CERS6: variants seen among roughly 807,000 people sequenced by gnomAD.
CERS6 encodes LAG1 homolog, ceramide synthase 6.
In CERS6, 26 loss-of-function variants were observed where a neutral mutation model predicts 56.8. That is an observed-to-expected ratio of 0.46 (90% CI 0.34 to 0.63). The LOEUF (loss-of-function observed/expected upper bound fraction) is 0.63, where lower values mean the gene tolerates loss of function less well. CERS6 is among the 30% of genes least tolerant of loss of function. The pLI is 0.01. For synonymous variants in CERS6, 164 were observed against 173.3 expected (o/e 0.95, Z 0.42); for missense variants, 415 against 467.5 (o/e 0.89, Z 1.04).
At chr2:168,583,336 G>A (rs987404898) in intron 3 of CERS6, among the ~76,000 whole-genome samples, 12 of 152,116 alleles carry the variant, frequency 7.9e-5, no homozygotes, top group Non-Finnish European at 1.6e-4. Context: ...AATGAGCTAA[G>A]AAAAGTGTGA....
intron 6 of CERS6, among the ~76,000 whole-genome samples, chr2:168,709,776 T>C (rs1463557163): frequency 2.6e-5 from 4 of 152,202 alleles, no homozygotes; most frequent in African/African-American, 9.6e-5. Context: ...GTTGCAAATA[T>C]AAGGATGGAA....
chr2:168,631,076 A>T, intron 4 of CERS6, 34 bp downstream of exon 4: 1 of 1,071,326 alleles, frequency 9.3e-7, no homozygotes, highest in Non-Finnish European at 1.4e-6. Flanking sequence ...CATGATTCTT[A>T]TGTAAGTGTA....
At chr2:168,760,674 G>A (rs970198999) in intron 8 of CERS6, among the ~76,000 whole-genome samples, 3 of 152,240 alleles carry the variant, frequency 2.0e-5, no homozygotes, top group Non-Finnish European at 2.9e-5. Flanking sequence ...CCCAAAAAAA[G>A]AACAGTTTCC....
intron 8 of CERS6, among the ~76,000 whole-genome samples, chr2:168,731,344 G>T (rs1683526497): frequency 6.6e-6 from 1 of 151,826 alleles, no homozygotes; most frequent in Non-Finnish European, 1.5e-5. Context: ...TCAAATAATA[G>T]TAAAATATTT....
intron 1 of CERS6, among the ~76,000 whole-genome samples, chr2:168,462,796 A>G (rs2105317958): frequency 6.6e-6 from 1 of 152,276 alleles, no homozygotes; most frequent in Middle Eastern, 3.4e-3. Flanking sequence ...GACCTCCCAA[A>G]GCACTGGGAT....
At chr2:168,507,590 C>T (rs972679658) in intron 1 of CERS6, among the ~76,000 whole-genome samples, 4 of 152,058 alleles carry the variant, frequency 2.6e-5, no homozygotes, top group Non-Finnish European at 1.5e-5. Flanking sequence ...CCTGGTCATG[C>T]TAGTGTATGC....
At chr2:168,621,431 G>A (rs575956165) in intron 3 of CERS6, among the ~76,000 whole-genome samples, 114 of 152,310 alleles carry the variant, frequency 7.5e-4, no homozygotes, top group African/African-American at 2.6e-3. Context: ...TCAAATGAGT[G>A]TAAATAGACT....
chr2:168,718,191 T>G (rs752469193), intron 8 of CERS6, among the ~76,000 whole-genome samples: 9 of 152,206 alleles, frequency 5.9e-5, no homozygotes, highest in Non-Finnish European at 1.3e-4. Flanking sequence ...AGGATGTGGC[T>G]TGCATGGCTT....
intron 3 of CERS6, among the ~76,000 whole-genome samples, chr2:168,606,831 A>G (rs911453992): frequency 2.6e-5 from 4 of 152,280 alleles, no homozygotes; most frequent in South Asian, 2.1e-4. Flanking sequence ...TGTCATTGCA[A>G]TAGTGAGTTC....
rs148506802 is a variant in CERS6, at chr2:168,535,873, T to C, written c.171-11723T>C. 7.9e-5 allele frequency among the ~76,000 whole-genome samples: 12 copies of C among 151,942 alleles called. No homozygotes were observed. In the East Asian group the frequency reaches 1.4e-3, roughly 17 times the overall value. On this transcript the variant is annotated intron_variant, in intron 1 of 9. Coordinates refer to ENST00000305747, the MANE Select transcript of CERS6 (RefSeq NM_203463.3). The stretch of plus-strand genomic sequence containing the variant: ...AAAACTCAGCCTGATGGGCATGAAA[T>C]GGTCTTGGTACATTTTCCTGATGTG...
At chr2:168,533,088 T>A (rs1224898107) in intron 1 of CERS6, among the ~76,000 whole-genome samples, 1 of 152,258 alleles carries the variant, frequency 6.6e-6, no homozygotes, top group Non-Finnish European at 1.5e-5. Flanking sequence ...CTACTCTTCC[T>A]GATAACAAAT....
chr2:168,593,722 G>A (rs1240418726), intron 3 of CERS6, among the ~76,000 whole-genome samples: 7 of 152,078 alleles, frequency 4.6e-5, no homozygotes, highest in African/African-American at 9.7e-5. Context: ...TTTATAAAAC[G>A]TCTTAACTTT....
chr2:168,682,316 A>G lies in CERS6; in HGVS notation c.466-8718A>G, dbSNP rs549560091. ...TTAATAGTTAATATATGAACATAAG[A>G]AAAAATAAAAATCCCCTGAAATAAT... On this transcript the variant is annotated intron_variant, in intron 4 of 9. Coordinates refer to ENST00000305747, the MANE Select transcript of CERS6 (RefSeq NM_203463.3). Among the ~76,000 whole-genome samples the G allele has an allele frequency of 4.6e-5, 7 of 152,358 alleles. No homozygotes were observed. In the South Asian group the frequency reaches 1.5e-3, roughly 32 times the overall value.
At chr2:168,487,778 A>G (rs1294464208) in intron 1 of CERS6, among the ~76,000 whole-genome samples, 1 of 152,196 alleles carries the variant, frequency 6.6e-6, no homozygotes, top group Non-Finnish European at 1.5e-5. Flanking sequence ...CTGGAGCACA[A>G]TCATAGCTCA....
intron 4 of CERS6, among the ~76,000 whole-genome samples, chr2:168,685,360 C>T (rs1188916654): frequency 6.6e-6 from 1 of 152,158 alleles, no homozygotes; most frequent in Non-Finnish European, 1.5e-5. Context: ...GAGAAAAGCA[C>T]ATGTATGTAT....
intron 4 of CERS6, among the ~76,000 whole-genome samples, chr2:168,666,229 A>G (rs1213308047): frequency 6.6e-6 from 1 of 152,186 alleles, no homozygotes; most frequent in African/African-American, 2.4e-5. Context: ...ATGGATCTGG[A>G]CAAATGTATA....
intron 3 of CERS6, among the ~76,000 whole-genome samples, chr2:168,569,121 G>T (rs755079312): frequency 5.3e-5 from 8 of 152,154 alleles, no homozygotes; most frequent in Non-Finnish European, 1.2e-4. Flanking sequence ...CATAGTTCTG[G>T]AGGCTAAAAG....
intron 8 of CERS6, among the ~76,000 whole-genome samples, chr2:168,748,648 A>G (rs1369143362): frequency 1.3e-5 from 2 of 152,158 alleles, no homozygotes; most frequent in Non-Finnish European, 2.9e-5. Flanking sequence ...GTGCCTGTCC[A>G]AGGCTTGCCA....
chr2:168,635,132 G>A (rs1684833829), intron 4 of CERS6, among the ~76,000 whole-genome samples: 1 of 152,148 alleles, frequency 6.6e-6, no homozygotes, highest in South Asian at 2.1e-4. Context: ...TCACCCATTA[G>A]CACCCCACTG....
Sources: allele counts gnomAD v4.1 joint callset (sites outside exome capture counted in the v4.1 genomes callset), GRCh38; gene constraint gnomAD v4.1.1; transcripts MANE v1.5; gene names NCBI Gene and HGNC (gene_info 2026-07-23, HGNC 2026-07-21).